Variants in FBXO34 observed in about 807,000 individuals in gnomAD.
FBXO34 encodes F-box protein 34.
In FBXO34, 12 loss-of-function variants were observed where a neutral mutation model predicts 24.5. The observed-to-expected ratio is 0.49, with a 90% CI of 0.31 to 0.79. The LOEUF is 0.79. Among genes scored for constraint, FBXO34 ranks in the 30% least tolerant of loss-of-function variants. The pLI, the probability that FBXO34 is intolerant of heterozygous loss-of-function variation, is 0.04. For missense variants in FBXO34, 823 were observed against 857.7 expected (o/e 0.96, Z 0.51); for synonymous variants, 320 against 311.9 (o/e 1.03, Z -0.27).
intron 1 of FBXO34, among the ~76,000 whole-genome samples, chr14:55,291,520 T>A (rs1030313644): frequency 2.0e-5 from 3 of 152,152 alleles, no homozygotes; most frequent in Admixed American, 2.0e-4. Flanking sequence ...AGGGTAATAA[T>A]GTATTCTTTA....
intron 1 of FBXO34, among the ~76,000 whole-genome samples, chr14:55,343,396 G>A (rs1466895710): frequency 1.3e-5 from 2 of 151,908 alleles, no homozygotes; most frequent in African/African-American, 2.4e-5. Context: ...GATTACAGGC[G>A]CATGCCACCA....
chr14:55,375,403 G>A, the FBXO34 span, among the ~76,000 whole-genome samples: 5 of 151,514 alleles, frequency 3.3e-5, no homozygotes, highest in Non-Finnish European at 4.4e-5. Context: ...AACTTCCACA[G>A]CCTGGAGCTC....
chr14:55,399,751 G>A, the FBXO34 span, among the ~76,000 whole-genome samples: 1 of 152,210 alleles, frequency 6.6e-6, no homozygotes. Context: ...CTCAAACCAT[G>A]CAAAGGACTG....
chr14:55,382,678 A>C, the FBXO34 span, among the ~76,000 whole-genome samples: 10 of 152,176 alleles, frequency 6.6e-5, no homozygotes, highest in African/African-American at 2.4e-4. Context: ...ATACGTAGAT[A>C]AGAGCTTGCT....
At chr14:55,374,365 TA>T (rs1884880221), downstream of FBXO34, among the ~76,000 whole-genome samples, 1 of 152,224 alleles carries the variant, frequency 6.6e-6, no homozygotes, top group African/African-American at 2.4e-5. Context: ...CCGCATGTTT[TA>T]ATCTTTTGTC....
chr14:55,376,909 A>G, the FBXO34 span, among the ~76,000 whole-genome samples: 1 of 152,218 alleles, frequency 6.6e-6, no homozygotes, highest in African/African-American at 2.4e-5. Flanking sequence ...ATGGGCTGAG[A>G]GAATAAAAAG....
chr14:55,305,443 G>A (rs117828378), intron 1 of FBXO34, among the ~76,000 whole-genome samples: 2 of 151,674 alleles, frequency 1.3e-5, no homozygotes, highest in Admixed American at 1.3e-4. Context: ...CTTAGTCCGG[G>A]TGCGGTGCGT....
intron 1 of FBXO34, among the ~76,000 whole-genome samples, chr14:55,345,949 T>G (rs1884146326): frequency 6.6e-6 from 1 of 152,160 alleles, no homozygotes; most frequent in Admixed American, 6.5e-5. Context: ...GAGGCTGCAG[T>G]GAGCCAAGAT....
At chr14:55,371,589 G>A (rs1253404476), downstream of FBXO34, among the ~76,000 whole-genome samples, 1 of 152,010 alleles carries the variant, frequency 6.6e-6, no homozygotes, top group Non-Finnish European at 1.5e-5. Flanking sequence ...GGCAGATCAC[G>A]AGGTCAGGAG....
intron 1 of FBXO34, among the ~76,000 whole-genome samples, chr14:55,280,413 T>C (rs1443183320): frequency 1.3e-5 from 2 of 152,170 alleles, no homozygotes; most frequent in Non-Finnish European, 2.9e-5. Context: ...AGCATAACTC[T>C]TTACATAGCG....
intron 1 of FBXO34, among the ~76,000 whole-genome samples, chr14:55,302,462 T>G (rs887431531): frequency 6.6e-5 from 10 of 150,810 alleles, no homozygotes; most frequent in African/African-American, 2.2e-4. Flanking sequence ...TGTTTTTTTT[T>G]TTTTTTTTAA....
chr14:55,426,124 G>A, the FBXO34 span, among the ~76,000 whole-genome samples: 2 of 152,000 alleles, frequency 1.3e-5, no homozygotes, highest in South Asian at 2.1e-4. Context: ...AAAATTAGCC[G>A]GGTGTGGTGG....
chr14:55,359,061 C>T (rs1566572145), intron 3 of FBXO34, among the ~76,000 whole-genome samples: 1 of 152,080 alleles, frequency 6.6e-6, no homozygotes. Context: ...ACCACCGATG[C>T]ACCACTCCCA....
chr14:55,402,180 CACTT>C, the FBXO34 span, among the ~76,000 whole-genome samples: 1 of 152,132 alleles, frequency 6.6e-6, no homozygotes, highest in African/African-American at 2.4e-5. Context: ...ATTTACTGAG[CACTT>C]ACTATGTCCC....
the FBXO34 span, chr14:55,435,851 G>A: frequency 1.3e-6 from 2 of 1,557,146 alleles, no homozygotes; most frequent in Admixed American, 4.5e-5. Flanking sequence ...TGTTACCTTT[G>A]GGTTATATTC....
intron 1 of FBXO34, chr14:55,285,501 C>G (rs185605801): frequency 6.6e-6 from 1 of 152,040 alleles, no homozygotes; most frequent in South Asian, 2.1e-4. Flanking sequence ...GTAGTGGGAT[C>G]GTGCCTGTGA....
the FBXO34 span, among the ~76,000 whole-genome samples, chr14:55,390,126 A>G: frequency 6.6e-6 from 1 of 152,184 alleles, no homozygotes. Flanking sequence ...GCTGGAGTGC[A>G]ATGGCACGAT....
chr14:55,301,989 A>G (rs993843253), intron 1 of FBXO34, among the ~76,000 whole-genome samples: 11 of 152,348 alleles, frequency 7.2e-5, no homozygotes, highest in South Asian at 4.1e-4. Flanking sequence ...TAATTGGATT[A>G]CCAGCAAGGC....
chr14:55,343,932 C>A (rs767446886), intron 1 of FBXO34, among the ~76,000 whole-genome samples: 3 of 152,176 alleles, frequency 2.0e-5, no homozygotes, highest in Non-Finnish European at 4.4e-5. Context: ...GGAGTGTATA[C>A]TGTCTTTAGG....
Sources: gnomAD v4.1 joint callset for allele counts (sites outside exome capture counted in the v4.1 genomes callset) on GRCh38, gnomAD v4.1.1 for gene constraint, MANE v1.5 for transcripts, NCBI Gene and HGNC (gene_info 2026-07-23, HGNC 2026-07-21) for gene names.